Variants in SEPTIN3 observed in about 807,000 individuals in gnomAD.
SEPTIN3 encodes neuronal-specific septin-3.
SEPTIN3 carries 15 observed loss-of-function variants against 45.1 expected under a neutral mutation model. The ratio of observed to expected loss-of-function variants is 0.33; its 90% confidence interval spans 0.22 to 0.51. The LOEUF is 0.51. Among genes scored for constraint, SEPTIN3 ranks in the 20% least tolerant of loss-of-function variants. SEPTIN3 has a pLI of 0.97. For missense variants in SEPTIN3, 289 were observed against 457.2 expected (o/e 0.63, Z 3.35); for synonymous variants, 148 against 164.8 (o/e 0.90, Z 0.78).
At chr22:41,978,647 A>C (rs917865794) in intron 2 of SEPTIN3, among the ~76,000 whole-genome samples, 2 of 152,138 alleles carry the variant, frequency 1.3e-5, no homozygotes, top group Non-Finnish European at 2.9e-5. Flanking sequence ...AGGCACCCTT[A>C]CCAGACAGGG....
In SEPTIN3 at chr22:41,985,843, C is replaced by T. The variant is rs548259517; in HGVS notation, c.1697-141C>T. Reference sequence around the variant, plus strand: ...TTCCCACCTGCCTGCAATCCCCACTCAGCCTGGCCATCCCCCAGTGAGTGG... The same window carrying T: ...TTCCCACCTGCCTGCAATCCCCACTTAGCCTGGCCATCCCCCAGTGAGTGG... On this transcript the variant is annotated intron_variant, in intron 3 of 11. Transcript: ENST00000644076. 9 of 1,032,366 alleles carry T rather than the reference C, an allele frequency of 8.7e-6. No individual in the cohort carries two copies. The East Asian group carries it at 1.8e-4, about 20-fold the overall frequency. 64.0% of individuals were successfully genotyped at this position (1,032,366 alleles called of 1,614,324 possible).
intron 2 of SEPTIN3, among the ~76,000 whole-genome samples, chr22:41,979,782 G>A (rs958276766): frequency 1.8e-4 from 28 of 152,202 alleles, no homozygotes; most frequent in Admixed American, 1.6e-3. Flanking sequence ...TACCAGTACC[G>A]GTGGAAGGAC....
At chr22:41,970,996 T>G (rs2077952707) in intron 1 of SEPTIN3, among the ~76,000 whole-genome samples, 1 of 152,130 alleles carries the variant, frequency 6.6e-6, no homozygotes, top group Non-Finnish European at 1.5e-5. Context: ...ACACCTGAGC[T>G]CCTATGTTGG....
chr22:41,981,534 C>T, intron 2 of SEPTIN3, 111 bp from the exon 3 acceptor site: 1 of 902,524 alleles, frequency 1.1e-6, no homozygotes, highest in Admixed American at 2.7e-5. Context: ...AAGATCCCTT[C>T]CAGGCCCAAC....
At chr22:41,971,430 C>T (rs1444868085) in intron 1 of SEPTIN3, 44 bp from the exon 2 acceptor site, 1 of 398,748 alleles carries the variant, frequency 2.5e-6, no homozygotes, top group Non-Finnish European at 4.4e-6. Flanking sequence ...CAGGCCTGAG[C>T]TCCTCACCCC....
chr22:41,981,728 A>G lies in SEPTIN3; in HGVS notation c.1588A>G (p.Met530Val), dbSNP rs767648191. 2.5e-6 allele frequency: 4 copies of G among 1,614,110 alleles called. No individual in the cohort carries two copies. In the South Asian group the frequency reaches 3.3e-5, roughly 13 times the overall value. Residue 530 changes from methionine to valine, a missense_variant, in exon 3 of 12, where the codon ATG becomes GTG. Met to Val is a conservative substitution (Grantham distance 21). Coordinates refer to ENST00000644076, the MANE Select transcript of SEPTIN3 (RefSeq NM_001363845.2). ...RPKPAVPMKP[M>V]SINSNLLGYI... ...TAAGCCAGCGGTGCCCATGAAGCCC[A>G]TGAGCATCAACTCCAACCTGCTGGG...
At chr22:41,974,662 C>CAA (rs532915714) in intron 2 of SEPTIN3, among the ~76,000 whole-genome samples, 4 of 73,078 alleles carry the variant, frequency 5.5e-5, no homozygotes, top group Admixed American at 1.6e-4. Flanking sequence ...GACTCCGTCT[C>CAA]AAAAAAAAAA....
At position 41,998,083 on chromosome 22, in the gene SEPTIN3, A is replaced by G. The variant is rs1469883549; in HGVS notation, c.*1116A>G. On this transcript the variant is annotated 3_prime_UTR_variant, in exon 12 of 12. Coordinates refer to ENST00000644076, the MANE Select transcript of SEPTIN3 (RefSeq NM_001363845.2). ...AAGAACAACCCGTTTCTTAAATGTTACCAGTCCCAGCCAATCTTACGGTGA... is the reference window on the plus strand; with the variant it reads ...AAGAACAACCCGTTTCTTAAATGTTGCCAGTCCCAGCCAATCTTACGGTGA... 6.5e-6 allele frequency: 1 copy of G among 152,696 alleles called. No homozygotes were observed. The highest frequency in any genetic ancestry group is 2.4e-5 in the African/African-American group (1 of 41,466). The allele number at this position is 152,696 out of a possible 1,614,324, so 9.5% of individuals were successfully genotyped here. A position where few individuals can be genotyped will look rare whatever the true frequency, so the allele number is the denominator to read the frequency against.
chr22:41,996,248 G>C, intron 11 of SEPTIN3: 1 of 985,188 alleles, frequency 1.0e-6, no homozygotes, highest in Non-Finnish European at 1.2e-6. Context: ...TCCCCTGCTT[G>C]TTGTACAAGT....
In SEPTIN3 at chr22:41,972,997, G is replaced by C. The variant is rs1355854874; in HGVS notation, c.1504+1G>C. The C allele has an allele frequency of 2.5e-6, 1 of 398,824 alleles. No homozygotes were observed. The highest frequency in any genetic ancestry group is 4.4e-6 in the Non-Finnish European group (1 of 226,194). 24.7% of individuals were successfully genotyped at this position (398,824 alleles called of 1,614,324 possible). On this transcript the variant is annotated splice_donor_variant, in intron 2 of 11. Coordinates refer to ENST00000644076, the MANE Select transcript of SEPTIN3 (RefSeq NM_001363845.2). LOFTEE classifies it high-confidence loss of function. ...CTGGACCTGGCCACAGAATACAAAG[G>C]TAAATGCAGAAACTTGGTTGGGGAT...
In SEPTIN3 at chr22:41,989,699, T is replaced by C. The variant is rs1484797572; in HGVS notation, c.2163+15T>C. ...TCAAGCAAAGGGTGAGAAGGCCCCC[T>C]GTCTTCTTTTCCTGTTCCCATCCCC... On this transcript the variant is annotated intron_variant, in intron 7 of 11. Coordinates refer to ENST00000644076, the MANE Select transcript of SEPTIN3 (RefSeq NM_001363845.2). 1 of 1,509,976 alleles carries C rather than the reference T, an allele frequency of 6.6e-7. No individual in the cohort carries two copies. The highest frequency in any genetic ancestry group is 9.2e-7 in the Non-Finnish European group (1 of 1,085,324). 93.5% of individuals were successfully genotyped at this position (1,509,976 alleles called of 1,614,324 possible). A position where few individuals can be genotyped will look rare whatever the true frequency, so the allele number is the denominator to read the frequency against.
chr22:41,996,137 C>T (rs2078432853), intron 11 of SEPTIN3: 1 of 985,120 alleles, frequency 1.0e-6, no homozygotes, highest in South Asian at 4.7e-5. Context: ...CTAATTCCCT[C>T]TCCTCCTGAC....
rs539636324 is a variant in SEPTIN3, at chr22:41,973,846, T to G, written c.1504+850T>G. 5.3e-3 allele frequency among the ~76,000 whole-genome samples: 801 copies of G among 151,944 alleles called. 3 individuals are homozygous for G. Among genetic ancestry groups the G allele is most frequent in the African/African-American group, 0.018 (756 of 41,418 alleles). On this transcript the variant is annotated intron_variant, in intron 2 of 11. Transcript: ENST00000644076. ...AAATACAAAAGTTAGCCAGGTGTGG[T>G]GGCACATGCCTGTAGTCCCAGCTAC... is the stretch of plus-strand genomic sequence containing the variant.
At chr22:41,975,946 G>C (rs990987284) in intron 2 of SEPTIN3, among the ~76,000 whole-genome samples, 4 of 152,168 alleles carry the variant, frequency 2.6e-5, no homozygotes, top group Admixed American at 1.3e-4. Flanking sequence ...CCAAGGCTGC[G>C]TGCGGACTTC....
Position 41,977,224 on chromosome 22 carries a change from C to A in SEPTIN3, c.1504+4228C>A, listed in dbSNP as rs557656475. 3 of 716,290 alleles carry A rather than the reference C, an allele frequency of 4.2e-6. No individual in the cohort carries two copies. The South Asian group carries it at 5.9e-5, about 14-fold the overall frequency. The allele number at this position is 716,290 out of a possible 1,614,324, so 44.4% of individuals were successfully genotyped here. A position where few individuals can be genotyped will look rare whatever the true frequency, so the allele number is the denominator to read the frequency against. On this transcript the variant is annotated intron_variant, in intron 2 of 11. Transcript: ENST00000644076. The stretch of plus-strand genomic sequence containing the variant: ...CGGACACACGCACACACGGTGGCAC[C>A]CACCTCGAGAGAGACAATCTTGGAG...
chr22:41,996,233 A>C, intron 11 of SEPTIN3: 1 of 985,026 alleles, frequency 1.0e-6, no homozygotes, highest in Non-Finnish European at 1.2e-6. Context: ...ATTAATGCAT[A>C]TATTTCCCCT....
At chr22:41,987,509 G>A (rs2078229233) in intron 5 of SEPTIN3, 113 bp from the exon 6 acceptor site, 2 of 1,352,934 alleles carry the variant, frequency 1.5e-6, no homozygotes. Context: ...GGTATCCTAG[G>A]CCCACCAACC....
chr22:41,970,804 C>T lies in SEPTIN3; in HGVS notation c.-19-670C>T, dbSNP rs111840392. Among the ~76,000 whole-genome samples, 630 of 152,342 alleles carry T rather than the reference C, an allele frequency of 4.1e-3. 5 individuals are homozygous for T. The Middle Eastern group carries it at 0.044, about 11-fold the overall frequency. On this transcript the variant is annotated intron_variant, in intron 1 of 11. Transcript: ENST00000644076. ...CTGGGCATGGCAGCCTCTTCAAGGG[C>T]GGGGACCATGGCTTGTTCACCAGAT...
At chr22:41,991,235 C>CAGGG (rs2078311146) in intron 7 of SEPTIN3, among the ~76,000 whole-genome samples, 1 of 152,102 alleles carries the variant, frequency 6.6e-6, no homozygotes, top group Non-Finnish European at 1.5e-5. Flanking sequence ...ATATAACATG[C>CAGGG]AGGGGTCTGA....
Sources: gnomAD v4.1 joint callset for allele counts (sites outside exome capture counted in the v4.1 genomes callset) on GRCh38, gnomAD v4.1.1 for gene constraint, MANE v1.5 for transcripts, NCBI Gene and HGNC (gene_info 2026-07-23, HGNC 2026-07-21) for gene names.